The following VKORC1L1 variants were observed in gnomAD, a reference collection of about 807,000 sequenced individuals.
VKORC1L1 encodes the protein vitamin K epoxide reductase complex subunit 1-like protein 1.
A neutral mutation model predicts 18.9 loss-of-function variants in VKORC1L1; 2 were observed. The observed-to-expected ratio is 0.11, with a 90% CI of 0.04 to 0.33. The LOEUF is 0.33. Among genes scored for constraint, VKORC1L1 ranks in the 10% least tolerant of loss-of-function variants. The pLI is 1.00. For synonymous variants in VKORC1L1, 96 were observed against 100.0 expected (o/e 0.96, Z 0.24); for missense variants, 123 against 224.1 (o/e 0.55, Z 2.88).
chr7:65,924,144 A>T (rs755437111), intron 1 of VKORC1L1, among the ~76,000 whole-genome samples: 3 of 152,192 alleles, frequency 2.0e-5, no homozygotes, highest in Non-Finnish European at 2.9e-5. Context: ...CCCAGTAAGG[A>T]ATGTGAGATC....
At chr7:65,945,526 G>A (rs1213560389) in intron 1 of VKORC1L1, among the ~76,000 whole-genome samples, 1 of 151,218 alleles carries the variant, frequency 6.6e-6, no homozygotes, top group Non-Finnish European at 1.5e-5. Context: ...GCAGGAGAAT[G>A]GCCTGAACCT....
chr7:65,868,316 A>G (rs1278867124), upstream of VKORC1L1, among the ~76,000 whole-genome samples: 2 of 151,650 alleles, frequency 1.3e-5, no homozygotes, highest in Non-Finnish European at 2.9e-5. Context: ...TGAAAGTCAG[A>G]AAAAAAAAGA....
At chr7:65,923,327 C>A (rs1403170537) in intron 1 of VKORC1L1, among the ~76,000 whole-genome samples, 1 of 151,858 alleles carries the variant, frequency 6.6e-6, no homozygotes, top group East Asian at 1.9e-4. Context: ...ACACTTGAGC[C>A]TGGGGAGGTC....
chr7:65,866,880 A>T, the VKORC1L1 span, among the ~76,000 whole-genome samples: 1 of 152,010 alleles, frequency 6.6e-6, no homozygotes, highest in South Asian at 2.1e-4. Flanking sequence ...AGGAGGGGGA[A>T]GAAGAGGAGG....
intron 1 of VKORC1L1, among the ~76,000 whole-genome samples, chr7:65,905,092 T>A (rs961471274): frequency 6.6e-6 from 1 of 152,134 alleles, no homozygotes; most frequent in Non-Finnish European, 1.5e-5. Context: ...CAAATGCAGG[T>A]GTATACACAT....
chr7:65,901,980 C>G (rs1393362766), intron 1 of VKORC1L1, among the ~76,000 whole-genome samples: 2 of 152,156 alleles, frequency 1.3e-5, no homozygotes, highest in African/African-American at 4.8e-5. Flanking sequence ...TACTCTGGAT[C>G]TACTCTAACA....
intron 1 of VKORC1L1, among the ~76,000 whole-genome samples, chr7:65,885,841 A>G (rs1446701488): frequency 1.3e-5 from 2 of 152,090 alleles, no homozygotes; most frequent in African/African-American, 2.4e-5. Context: ...TTTCTTTGCT[A>G]TTGTCATGAA....
At chr7:65,922,756 T>C (rs1401460229) in intron 1 of VKORC1L1, among the ~76,000 whole-genome samples, 3 of 152,252 alleles carry the variant, frequency 2.0e-5, no homozygotes, top group Non-Finnish European at 2.9e-5. Flanking sequence ...TCTGTTGGTA[T>C]TAGCTGTCAG....
At chr7:65,890,232 A>G (rs1178489125) in intron 1 of VKORC1L1, among the ~76,000 whole-genome samples, 1 of 145,146 alleles carries the variant, frequency 6.9e-6, no homozygotes, top group Non-Finnish European at 1.5e-5. Flanking sequence ...CTGGGTTCAC[A>G]CCGTTCTCCT....
chr7:65,899,908 G>C (rs1789281289), intron 1 of VKORC1L1, among the ~76,000 whole-genome samples: 1 of 152,052 alleles, frequency 6.6e-6, no homozygotes. Context: ...GCTGAGGCAG[G>C]AGAATCGCTT....
At chr7:65,895,475 AAAAAAATATATATATATAT>A (rs1170356790) in intron 1 of VKORC1L1, among the ~76,000 whole-genome samples, 27 of 42,806 alleles carry the variant, frequency 6.3e-4, no homozygotes, top group South Asian at 1.2e-3. Context: ...AAAAAAAAAA[AAAAAAATATATATATATAT>A]ATATATATAT....
At chr7:65,934,915 G>T (rs1036534474) in intron 1 of VKORC1L1, among the ~76,000 whole-genome samples, 4 of 151,922 alleles carry the variant, frequency 2.6e-5, no homozygotes, top group East Asian at 1.9e-4. Context: ...TTAGCCGGGC[G>T]TGGTGGTGGG....
chr7:65,954,390 A>ATTC lies in VKORC1L1; in HGVS notation c.*91_*93dup, dbSNP rs2115758971. On this transcript the variant is annotated 3_prime_UTR_variant, in exon 3 of 3. Transcript: ENST00000360768. ...TTTTATTATTATTATTATTATTATTATTCACAACAGACACTTTCCCTAAGA... is the reference window on the plus strand; with the variant it reads ...TTTTATTATTATTATTATTATTATTATTCTTCACAACAGACACTTTCCCTAAGA... 1.4e-6 allele frequency: 2 copies of ATTC among 1,460,730 alleles called. No individual in the cohort carries two copies. Among genetic ancestry groups the ATTC allele is most frequent in the Admixed American group, 2.6e-5 (1 of 38,528 alleles). 90.5% of individuals were successfully genotyped at this position (1,460,730 alleles called of 1,614,324 possible). A position where few individuals can be genotyped will look rare whatever the true frequency, so the allele number is the denominator to read the frequency against.
rs1790105038 is a variant in VKORC1L1 at position 65,945,482 on chromosome 7, G to A, written c.195-3189G>A. 2.0e-5 allele frequency among the ~76,000 whole-genome samples: 3 copies of A among 152,010 alleles called. No individual in the cohort carries two copies. In the South Asian group the frequency reaches 6.2e-4, roughly 31 times the overall value. ...AAAAAATTAGCTGGGCATGGTGGTG[G>A]GCGCCTGTAGTCCCAGCCACTTGGG... On this transcript the variant is annotated intron_variant, in intron 1 of 2. Coordinates refer to ENST00000360768, the MANE Select transcript of VKORC1L1 (RefSeq NM_173517.6).
chr7:65,901,217 G>T (rs937533808), intron 1 of VKORC1L1, among the ~76,000 whole-genome samples: 14 of 152,162 alleles, frequency 9.2e-5, no homozygotes, highest in African/African-American at 3.4e-4. Flanking sequence ...TAAGTTGAGG[G>T]CATAGTAGCT....
chr7:65,915,633 GTTT>G (rs34639789), intron 1 of VKORC1L1, among the ~76,000 whole-genome samples: 4 of 143,310 alleles, frequency 2.8e-5, no homozygotes, highest in Non-Finnish European at 3.0e-5. Flanking sequence ...AAAGAAACCA[GTTT>G]TTTTTTTTTT....
intron 1 of VKORC1L1, among the ~76,000 whole-genome samples, chr7:65,903,000 G>C (rs1210461903): frequency 6.6e-6 from 1 of 151,926 alleles, no homozygotes; most frequent in Non-Finnish European, 1.5e-5. Context: ...CTGAGTAGCT[G>C]GGATTACAGG....
intron 1 of VKORC1L1, among the ~76,000 whole-genome samples, chr7:65,910,327 CA>C (rs1349788998): frequency 6.6e-6 from 1 of 151,686 alleles, no homozygotes; most frequent in Non-Finnish European, 1.5e-5. Flanking sequence ...CTTATTATGA[CA>C]CTACACACAT....
At chr7:65,916,115 TA>T (rs35219358) in intron 1 of VKORC1L1, among the ~76,000 whole-genome samples, 12,964 of 126,580 alleles carry the variant, frequency 0.1, 664 homozygotes, top group Non-Finnish European at 0.13. Flanking sequence ...TGTCTAAAAT[TA>T]AAAAAAAAAA....
Sources: gnomAD v4.1 joint callset for allele counts (sites outside exome capture counted in the v4.1 genomes callset) on GRCh38, gnomAD v4.1.1 for gene constraint, MANE v1.5 for transcripts, NCBI Gene and HGNC (gene_info 2026-07-23, HGNC 2026-07-21) for gene names.